CNTNAP2: variants seen among roughly 807,000 people sequenced by gnomAD.
The protein encoded by CNTNAP2 is contactin associated protein 2, also known as contactin-associated protein-like 2.
CNTNAP2 carries 98 observed loss-of-function variants against 155.2 expected under a neutral mutation model. The ratio of observed to expected loss-of-function variants is 0.63; its 90% CI spans 0.54 to 0.75. The LOEUF is 0.75. CNTNAP2 is among the 30% of genes least tolerant of loss of function. CNTNAP2 has a pLI of 0.00. For missense variants in CNTNAP2, 1,727 were observed against 1,688.1 expected, an observed-to-expected ratio of 1.02 and a Z score of -0.40; for synonymous variants, 651 against 631.2, an observed-to-expected ratio of 1.03 and a Z score of -0.47.
rs144157318 is a variant in CNTNAP2, at chr7:146,526,215, A to G, written c.98-248056A>G. Among the ~76,000 whole-genome samples, 15 of 152,290 alleles carry G rather than the reference A, an allele frequency of 9.8e-5. No individual in the cohort carries two copies. The East Asian group carries it at 2.7e-3, about 27-fold the overall frequency. Reference sequence around the variant, plus strand: ...TTCTAATGTGCATATATGTGTATGAACAACATATTTGATGATGTGCAGTAC... The same window carrying G: ...TTCTAATGTGCATATATGTGTATGAGCAACATATTTGATGATGTGCAGTAC... On this transcript the variant is annotated intron_variant, in intron 1 of 23. Coordinates refer to ENST00000361727, the MANE Select transcript of CNTNAP2 (RefSeq NM_014141.6).
chr7:148,362,328 A>G (rs1003233088), intron 21 of CNTNAP2, among the ~76,000 whole-genome samples: 1 of 152,184 alleles, frequency 6.6e-6, no homozygotes, highest in Admixed American at 6.5e-5. Context: ...TGTGGGGATT[A>G]CAGTTCAAGG....
intron 21 of CNTNAP2, among the ~76,000 whole-genome samples, chr7:148,353,502 T>C (rs936107083): frequency 3.3e-5 from 5 of 152,220 alleles, no homozygotes; most frequent in African/African-American, 1.2e-4. Flanking sequence ...ATATTATCAT[T>C]GTCTGATTGG....
chr7:147,272,041 C>T (rs1431917089), intron 8 of CNTNAP2, among the ~76,000 whole-genome samples: 1 of 152,018 alleles, frequency 6.6e-6, no homozygotes, highest in Non-Finnish European at 1.5e-5. Flanking sequence ...TACTGGTGCC[C>T]ACCACCAAAC....
At chr7:147,798,786 G>A (rs944463315) in intron 13 of CNTNAP2, among the ~76,000 whole-genome samples, 14 of 152,254 alleles carry the variant, frequency 9.2e-5, no homozygotes, top group Admixed American at 3.3e-4. Context: ...CCTCTCTTCA[G>A]CTACTTTAGA....
At chr7:148,395,835 C>T (rs915317839) in intron 22 of CNTNAP2, among the ~76,000 whole-genome samples, 2 of 152,148 alleles carry the variant, frequency 1.3e-5, no homozygotes, top group African/African-American at 4.8e-5. Context: ...AAAGCAAAAC[C>T]GGCACAAACA....
rs1249410100 is a variant in CNTNAP2 at position 148,418,205 on chromosome 7, G to T, written c.*2589G>T. 2 of 152,172 alleles carry T rather than the reference G, an allele frequency of 1.3e-5. No homozygotes were observed. The allele number at this position is 152,172 out of a possible 1,614,324, so 9.4% of individuals were successfully genotyped here. A position where few individuals can be genotyped will look rare whatever the true frequency, so the allele number is the denominator to read the frequency against. ...GGCCATATTCAGTACATTTTAAATGGTAAATAATCTGTTTATGTGAAGAAA... is the reference window on the plus strand; with the variant it reads ...GGCCATATTCAGTACATTTTAAATGTTAAATAATCTGTTTATGTGAAGAAA... On this transcript the variant is annotated 3_prime_UTR_variant, in exon 24 of 24. Coordinates refer to ENST00000361727, the MANE Select transcript of CNTNAP2 (RefSeq NM_014141.6).
chr7:146,959,427 AAAAG>A (rs779305990), intron 3 of CNTNAP2, among the ~76,000 whole-genome samples: 11 of 152,090 alleles, frequency 7.2e-5, no homozygotes, highest in Non-Finnish European at 1.6e-4. Context: ...TTTTTTTTAA[AAAAG>A]AAAGAAGCCT....
intron 12 of CNTNAP2, among the ~76,000 whole-genome samples, chr7:147,582,319 T>A (rs1393701401): frequency 6.6e-6 from 1 of 152,158 alleles, no homozygotes; most frequent in Non-Finnish European, 1.5e-5. Context: ...TTTCAACAAA[T>A]CTAAATCTGA....
At chr7:146,489,570 C>T (rs1236736888) in intron 1 of CNTNAP2, among the ~76,000 whole-genome samples, 1 of 152,168 alleles carries the variant, frequency 6.6e-6, no homozygotes, top group Non-Finnish European at 1.5e-5. Context: ...CACACACCCC[C>T]ACCTGCTACC....
intron 1 of CNTNAP2, among the ~76,000 whole-genome samples, chr7:146,690,942 C>G (rs951697072): frequency 6.6e-6 from 1 of 152,070 alleles, no homozygotes; most frequent in African/African-American, 2.4e-5. Flanking sequence ...GGAACAGTTC[C>G]TAAAGTGAAT....
intron 15 of CNTNAP2, among the ~76,000 whole-genome samples, chr7:147,983,576 A>G (rs1337087094): frequency 6.6e-6 from 1 of 152,248 alleles, no homozygotes; most frequent in Non-Finnish European, 1.5e-5. Context: ...AAGGGCTACA[A>G]TTTGGTTTTT....
chr7:146,812,128 A>ATTTAGTTTG, intron 2 of CNTNAP2, among the ~76,000 whole-genome samples: 1 of 152,156 alleles, frequency 6.6e-6, no homozygotes, highest in Non-Finnish European at 1.5e-5. Context: ...GGTAACAGAC[A>ATTTAGTTTG]GAGCTTGGAA....
At chr7:147,772,459 T>C (rs1283182035) in intron 13 of CNTNAP2, among the ~76,000 whole-genome samples, 5 of 82,154 alleles carry the variant, frequency 6.1e-5, no homozygotes, top group African/African-American at 9.1e-5. Flanking sequence ...TATATATATA[T>C]ATATATATAT....
chr7:148,069,759 CAAA>C (rs57389619), intron 15 of CNTNAP2, among the ~76,000 whole-genome samples: 3 of 68,936 alleles, frequency 4.4e-5, no homozygotes, highest in Non-Finnish European at 6.8e-5. Flanking sequence ...GACTCCGTCT[CAAA>C]AAAAAAAAAA....
intron 1 of CNTNAP2, among the ~76,000 whole-genome samples, chr7:146,152,352 A>C (rs1213403567): frequency 6.6e-6 from 1 of 152,090 alleles, no homozygotes; most frequent in Non-Finnish European, 1.5e-5. Context: ...CTGTGTTTAC[A>C]GGCGAGGGAT....
chr7:147,725,972 T>C (rs6967132), intron 13 of CNTNAP2, among the ~76,000 whole-genome samples: 151,081 of 152,100 alleles, frequency 0.99, 75,039 homozygotes, highest in Middle Eastern at 1. Context: ...TCACAAGGGA[T>C]GTTTTCTTTT....
intron 1 of CNTNAP2, among the ~76,000 whole-genome samples, chr7:146,299,021 T>G (rs577225617): frequency 6.2e-4 from 94 of 152,282 alleles, no homozygotes; most frequent in Non-Finnish European, 1.0e-3. Context: ...ACGCCTGTTA[T>G]CCCAGCACTT....
intron 11 of CNTNAP2, among the ~76,000 whole-genome samples, chr7:147,493,483 G>A (rs1584769237): frequency 1.3e-5 from 2 of 152,146 alleles, no homozygotes; most frequent in East Asian, 3.9e-4. Context: ...AGGACCCATA[G>A]TGCTACCATC....
At chr7:147,257,869 G>T (rs1046366491) in intron 8 of CNTNAP2, among the ~76,000 whole-genome samples, 3 of 152,192 alleles carry the variant, frequency 2.0e-5, no homozygotes, top group African/African-American at 7.2e-5. Context: ...GAGGTTCAGA[G>T]GCAGATGGAG....
Sources: allele counts gnomAD v4.1 joint callset (sites outside exome capture counted in the v4.1 genomes callset), GRCh38; gene constraint gnomAD v4.1.1; transcripts MANE v1.5; gene names NCBI Gene and HGNC (gene_info 2026-07-23, HGNC 2026-07-21).